SOX5: variants seen among roughly 807,000 people sequenced by gnomAD.
The protein encoded by SOX5 is SRY-box transcription factor 5.
SOX5 carries 9 observed loss-of-function variants against 92.0 expected under a neutral mutation model. That is an observed-to-expected ratio of 0.10 (90% CI 0.06 to 0.17). SOX5 has a LOEUF of 0.17. Among genes scored for constraint, SOX5 ranks in the 10% least tolerant of loss-of-function variants. The pLI is 1.00. For missense variants in SOX5, 642 were observed against 944.5 expected (o/e 0.68, Z 4.20); for synonymous variants, 344 against 336.3 (o/e 1.02, Z -0.25).
At chr12:24,264,221 A>ATTTAAG (rs1942682429) in intron 3 of SOX5, among the ~76,000 whole-genome samples, 1 of 152,214 alleles carries the variant, frequency 6.6e-6, no homozygotes, top group African/African-American at 2.4e-5. Context: ...CAATGGCATT[A>ATTTAAG]GATAGATATC....
At chr12:23,731,492 A>G (rs2093391539) in intron 6 of SOX5, among the ~76,000 whole-genome samples, 1 of 152,222 alleles carries the variant, frequency 6.6e-6, no homozygotes, top group East Asian at 1.9e-4. Context: ...GTGCATACAC[A>G]TAAACATACA....
intron 4 of SOX5, among the ~76,000 whole-genome samples, chr12:24,112,529 T>C: frequency 7.6e-6 from 1 of 131,322 alleles, no homozygotes; most frequent in African/African-American, 2.8e-5. Context: ...TCCTTTTTTT[T>C]TTTTTTTTTT....
intron 6 of SOX5, among the ~76,000 whole-genome samples, chr12:23,686,045 C>A (rs1593274745): frequency 6.6e-6 from 1 of 152,086 alleles, no homozygotes; most frequent in Non-Finnish European, 1.5e-5. Context: ...AATTCATTTA[C>A]CATATTGTAT....
intron 4 of SOX5, among the ~76,000 whole-genome samples, chr12:24,202,274 G>A (rs149537101): frequency 1.3e-3 from 191 of 152,218 alleles, no homozygotes; most frequent in Non-Finnish European, 2.2e-3. Flanking sequence ...TATAGCAATG[G>A]ATAATAAAGA....
chr12:24,195,721 T>G (rs1366310896), intron 4 of SOX5, among the ~76,000 whole-genome samples: 1 of 152,172 alleles, frequency 6.6e-6, no homozygotes, highest in Non-Finnish European at 1.5e-5. Context: ...TATACAGAAT[T>G]TTATGAATCT....
intron 9 of SOX5, among the ~76,000 whole-genome samples, chr12:23,577,191 A>ATATTTTTTTTTT (rs71059907): frequency 9.8e-5 from 6 of 61,406 alleles, no homozygotes; most frequent in Admixed American, 2.5e-4. Context: ...ATATATATAT[A>ATATTTTTTTTTT]TTTTTTTTTT....
intron 1 of SOX5, among the ~76,000 whole-genome samples, chr12:24,450,771 G>A (rs767453618): frequency 1.3e-5 from 2 of 152,176 alleles, no homozygotes; most frequent in African/African-American, 4.8e-5. Flanking sequence ...GATTACAGGC[G>A]TGAGCCACCC....
At chr12:23,854,853 G>T (rs1164599282) in intron 2 of SOX5, among the ~76,000 whole-genome samples, 1 of 152,006 alleles carries the variant, frequency 6.6e-6, no homozygotes, top group East Asian at 1.9e-4. Flanking sequence ...ACCTCACTGG[G>T]TTGCTAGAGG....
At chr12:24,279,452 C>A (rs962629126) in intron 2 of SOX5, among the ~76,000 whole-genome samples, 2 of 151,952 alleles carry the variant, frequency 1.3e-5, no homozygotes, top group East Asian at 1.9e-4. Flanking sequence ...GTTGTAAAAA[C>A]CAATAATTTT....
intron 4 of SOX5, among the ~76,000 whole-genome samples, chr12:24,011,453 T>G (rs1278502095): frequency 6.6e-6 from 1 of 152,242 alleles, no homozygotes; most frequent in African/African-American, 2.4e-5. Context: ...ATATTTTCTT[T>G]CCTAATTCTC....
rs199822344 is a variant in SOX5 at position 24,116,411 on chromosome 12, G to GA, written c.-2+96931dup. ...AATGCATTAAATGAAGTAGAGATGA[G>GA]AAAAAATATCTCAAGGCAGATTTTT... is the stretch of plus-strand genomic sequence containing the variant. On this transcript the variant is annotated intron_variant, in intron 4 of 4. Coordinates refer to the SOX5 transcript ENST00000446891. Among the ~76,000 whole-genome samples, 705 of 151,172 alleles carry GA rather than the reference G, an allele frequency of 4.7e-3. 12 individuals carry two copies. The highest frequency in any genetic ancestry group is 0.045 in the East Asian group (232 of 5,166).
intron 1 of SOX5, among the ~76,000 whole-genome samples, chr12:24,417,779 A>ATGG (rs1041545064): frequency 6.6e-6 from 1 of 152,148 alleles, no homozygotes; most frequent in African/African-American, 2.4e-5. Flanking sequence ...CAAGAAAAAC[A>ATGG]TGGTGGTGGT....
chr12:24,091,318 A>T (rs1255695109), intron 4 of SOX5, among the ~76,000 whole-genome samples: 3 of 152,134 alleles, frequency 2.0e-5, no homozygotes, highest in African/African-American at 7.2e-5. Context: ...ATACTGTATC[A>T]TTGGTGTTTT....
intron 1 of SOX5, among the ~76,000 whole-genome samples, chr12:23,901,315 G>A (rs1275157114): frequency 6.6e-6 from 1 of 152,068 alleles, no homozygotes; most frequent in East Asian, 1.9e-4. Context: ...AAGAAATGTG[G>A]ACCTGACAAC....
chr12:24,020,720 G>A (rs941500917), intron 4 of SOX5, among the ~76,000 whole-genome samples: 9 of 152,124 alleles, frequency 5.9e-5, no homozygotes, highest in Admixed American at 2.0e-4. Flanking sequence ...CAAATCACAG[G>A]ATTTCAATTT....
At chr12:23,713,418 T>C (rs879695159) in intron 6 of SOX5, among the ~76,000 whole-genome samples, 5 of 152,282 alleles carry the variant, frequency 3.3e-5, no homozygotes, top group Admixed American at 2.6e-4. Flanking sequence ...AACATAACAG[T>C]TCTAAAACTA....
chr12:23,620,175 C>T (rs2077009273), intron 8 of SOX5, among the ~76,000 whole-genome samples: 1 of 151,890 alleles, frequency 6.6e-6, no homozygotes, highest in Admixed American at 6.6e-5. Context: ...AAAAAACTGG[C>T]AGAAAAACTA....
rs1259258696 is a variant in SOX5, at chr12:24,547,260, C to T, written c.-251+15069G>A. Among the ~76,000 whole-genome samples the T allele has an allele frequency of 1.6e-4, 23 of 147,132 alleles. No individual in the cohort carries two copies. The East Asian group carries it at 3.6e-3, about 23-fold the overall frequency. On this transcript the variant is annotated intron_variant, in intron 1 of 4. Coordinates refer to the SOX5 transcript ENST00000446891. ...ACTGCGGACTGCAGTGGCGCAATCT[C>T]GGCTCAATGCAAGCTCCGCTTCCCG...
intron 4 of SOX5, among the ~76,000 whole-genome samples, chr12:23,982,139 A>G (rs1481930927): frequency 6.6e-6 from 1 of 152,214 alleles, no homozygotes; most frequent in Admixed American, 6.5e-5. Context: ...TCCGATTCAA[A>G]GCGTCAGGAA....
Sources: allele counts gnomAD v4.1 joint callset (sites outside exome capture counted in the v4.1 genomes callset), GRCh38; gene constraint gnomAD v4.1.1; transcripts MANE v1.5; gene names NCBI Gene and HGNC (gene_info 2026-07-23, HGNC 2026-07-21).